Variants in SNRK observed in about 807,000 individuals in gnomAD.
The protein encoded by SNRK is SNF-related serine/threonine-protein kinase.
A neutral mutation model predicts 48.2 loss-of-function variants in SNRK; 3 were observed. The observed-to-expected ratio is 0.06, with a 90% CI of 0.03 to 0.16. The LOEUF is 0.16. Ranked by LOEUF, SNRK falls within the 10% of genes least tolerant of loss-of-function variation. The pLI, the probability that SNRK is intolerant of heterozygous loss-of-function variation, is 1.00. For missense variants in SNRK, 627 were observed against 976.0 expected (o/e 0.64, Z 4.76); for synonymous variants, 376 against 366.1 (o/e 1.03, Z -0.31).
At chr3:43,301,822 T>G (rs2090900150) in intron 2 of SNRK, among the ~76,000 whole-genome samples, 1 of 152,204 alleles carries the variant, frequency 6.6e-6, no homozygotes, top group African/African-American at 2.4e-5. Context: ...GTTGCTATAT[T>G]CCTTGTTGGA....
chr3:43,333,973 C>CT (rs2091167885), intron 4 of SNRK, among the ~76,000 whole-genome samples: 2 of 152,198 alleles, frequency 1.3e-5, no homozygotes, highest in South Asian at 4.2e-4. Flanking sequence ...TGGTGAAACC[C>CT]TGTCTCTACT....
intron 3 of SNRK, among the ~76,000 whole-genome samples, chr3:43,321,792 C>A (rs569633788): frequency 6.6e-6 from 1 of 152,170 alleles, no homozygotes; most frequent in Non-Finnish European, 1.5e-5. Flanking sequence ...CGCCTACTTA[C>A]CATGGAAGCA....
In SNRK at chr3:43,303,941, T is replaced by G; in HGVS notation, c.589+149T>G. 1 of 605,300 alleles carries G rather than the reference T, an allele frequency of 1.7e-6. No homozygotes were observed. The highest frequency in any genetic ancestry group is 2.9e-6 in the Non-Finnish European group (1 of 345,528). The allele number at this position is 605,300 out of a possible 1,614,324, so 37.5% of individuals were successfully genotyped here. A position where few individuals can be genotyped will look rare whatever the true frequency, so the allele number is the denominator to read the frequency against. ...GGGTTTCATAAATGCCATATATGCC[T>G]AAAGCTGGCATTTCGTTTATTTCAA... On this transcript the variant is annotated intron_variant, in intron 3 of 6. Coordinates refer to ENST00000296088, the MANE Select transcript of SNRK (RefSeq NM_017719.5). This position sits in a 1 kb window ranked among gnomAD's most constrained non-coding sequence, Gnocchi z 6.2.
chr3:43,321,623 GA>G (rs746723067), intron 3 of SNRK, among the ~76,000 whole-genome samples: 8 of 152,110 alleles, frequency 5.3e-5, no homozygotes, highest in Non-Finnish European at 1.2e-4. Context: ...AGGTAACAGG[GA>G]CCTCCTAAAG....
intron 3 of SNRK, among the ~76,000 whole-genome samples, chr3:43,304,618 T>C (rs944021113): frequency 1.3e-5 from 2 of 152,170 alleles, no homozygotes; most frequent in African/African-American, 2.4e-5. Flanking sequence ...TTTAAAGGAT[T>C]TGTTGATCCG....
chr3:43,287,345 C>T (rs922572337), intron 1 of SNRK, among the ~76,000 whole-genome samples: 5 of 152,118 alleles, frequency 3.3e-5, no homozygotes, highest in African/African-American at 7.2e-5. Context: ...TTACAGGGAC[C>T]TTCCTGCCTT....
intron 1 of SNRK, among the ~76,000 whole-genome samples, chr3:43,298,074 TC>T (rs1274406331): frequency 1.3e-5 from 2 of 152,186 alleles, no homozygotes; most frequent in African/African-American, 4.8e-5. Flanking sequence ...GAATGCTTAC[TC>T]TGTGCCAGGC....
Position 43,347,173 on chromosome 3 carries a change from C to T in SNRK, c.1080-166C>T. 1.6e-6 allele frequency: 1 copy of T among 641,140 alleles called. No individual in the cohort carries two copies. Among genetic ancestry groups the T allele is most frequent in the East Asian group, 2.7e-5 (1 of 36,486 alleles). 39.7% of individuals were successfully genotyped at this position (641,140 alleles called of 1,614,324 possible). A position where few individuals can be genotyped will look rare whatever the true frequency, so the allele number is the denominator to read the frequency against. On this transcript the variant is annotated intron_variant, in intron 6 of 6. Transcript: ENST00000296088. The surrounding 1 kb of genome is among the most constrained non-coding windows in gnomAD (Gnocchi z 5.4). ...ATGTTTCAAAACCACATTTGCCCTT[C>T]TGGTGGCCTTGCTGATGTTTACAGG...
Position 43,350,955 on chromosome 3 carries a change from C to G in SNRK, c.*2398C>G, listed in dbSNP as rs190230925. ...CCAATTTTAAGAATAGCTGTGAGACCGAATTAAAGATAATCCCTACCAAGT... is the reference window on the plus strand; with the variant it reads ...CCAATTTTAAGAATAGCTGTGAGACGGAATTAAAGATAATCCCTACCAAGT... On this transcript the variant is annotated 3_prime_UTR_variant, in exon 7 of 7. Coordinates refer to ENST00000296088, the MANE Select transcript of SNRK (RefSeq NM_017719.5). 1 of 152,440 alleles carries G rather than the reference C, an allele frequency of 6.6e-6. No individual in the cohort carries two copies. The highest frequency in any genetic ancestry group is 2.4e-5 in the African/African-American group (1 of 41,442). The allele number at this position is 152,440 out of a possible 1,614,324, so 9.4% of individuals were successfully genotyped here. A position where few individuals can be genotyped will look rare whatever the true frequency, so the allele number is the denominator to read the frequency against.
chr3:43,339,179 T>C (rs1303321504), intron 4 of SNRK, among the ~76,000 whole-genome samples: 1 of 152,256 alleles, frequency 6.6e-6, no homozygotes, highest in African/African-American at 2.4e-5. Context: ...AATTAACTTC[T>C]GTGTACCACA....
At chr3:43,288,937 G>A (rs1381270996) in intron 1 of SNRK, among the ~76,000 whole-genome samples, 1 of 152,188 alleles carries the variant, frequency 6.6e-6, no homozygotes, top group Non-Finnish European at 1.5e-5. Context: ...AAATTGAGTG[G>A]ATCCTAGCAG....
chr3:43,313,611 C>T (rs1181978749), intron 3 of SNRK, among the ~76,000 whole-genome samples: 1 of 152,162 alleles, frequency 6.6e-6, no homozygotes, highest in Admixed American at 6.5e-5. Context: ...ACTTCTGTGT[C>T]TGGCGGTTAT....
intron 1 of SNRK, among the ~76,000 whole-genome samples, chr3:43,288,671 A>G (rs2090786139): frequency 1.3e-5 from 2 of 152,200 alleles, no homozygotes; most frequent in Non-Finnish European, 2.9e-5. Flanking sequence ...TCCCTGTAGC[A>G]GCTTGTCTAA....
rs183748792 is a variant in SNRK at position 43,298,940 on chromosome 3, G to A, written c.-168-814G>A. On this transcript the variant is annotated intron_variant, in intron 1 of 6. Transcript: ENST00000296088. ...CTTGCCTTCTAGAGGACAGTGTGTT[G>A]TAAAGCTTGCCGTCCTTGGCTGCTA... Among the ~76,000 whole-genome samples the A allele has an allele frequency of 1.4e-3, 213 of 152,284 alleles. 1 individual carries two copies. Among genetic ancestry groups the A allele is most frequent in the Non-Finnish European group, 2.1e-4 (14 of 68,018 alleles).
At chr3:43,338,433 T>C (rs2091207558) in intron 4 of SNRK, among the ~76,000 whole-genome samples, 1 of 152,254 alleles carries the variant, frequency 6.6e-6, no homozygotes, top group Non-Finnish European at 1.5e-5. Context: ...ATTGTTGCTG[T>C]TGAGAAGTCA....
Position 43,319,547 on chromosome 3 carries a change from C to G in SNRK, c.590-12622C>G, listed in dbSNP as rs1345814641. ...TAGGAGAATGCATGCCCTGATTGCT[C>G]TTTCTCTTTGGAATTGGATGGGGCG... is the stretch of plus-strand genomic sequence containing the variant. On this transcript the variant is annotated intron_variant, in intron 3 of 6. Coordinates refer to ENST00000296088, the MANE Select transcript of SNRK (RefSeq NM_017719.5). Among the ~76,000 whole-genome samples, 3 of 152,126 alleles carry G rather than the reference C, an allele frequency of 2.0e-5. 1 individual carries two copies. The highest frequency in any genetic ancestry group is 2.0e-4 in the Admixed American group (3 of 15,266).
intron 3 of SNRK, among the ~76,000 whole-genome samples, chr3:43,319,063 A>G (rs2091034277): frequency 6.6e-6 from 1 of 150,826 alleles, no homozygotes; most frequent in African/African-American, 2.4e-5. Flanking sequence ...TTGTTTGTTT[A>G]TATGCAGGCT....
chr3:43,315,001 A>T (rs2091004230), intron 3 of SNRK: 1 of 152,124 alleles, frequency 6.6e-6, no homozygotes, highest in Non-Finnish European at 1.5e-5. Flanking sequence ...GGAGGCTGAG[A>T]CAGGAGGAAG....
intron 1 of SNRK, among the ~76,000 whole-genome samples, chr3:43,290,583 A>G (rs2090804107): frequency 6.6e-6 from 1 of 152,106 alleles, no homozygotes; most frequent in Non-Finnish European, 1.5e-5. Flanking sequence ...AGCTGCCCTC[A>G]TTTTTAAGTC....
Sources: gnomAD v4.1 joint callset for allele counts (sites outside exome capture counted in the v4.1 genomes callset) on GRCh38, gnomAD v4.1.1 for gene constraint, Gnocchi (gnomAD v3.1) non-coding constraint, MANE v1.5 for transcripts, NCBI Gene and HGNC (gene_info 2026-07-23, HGNC 2026-07-21) for gene names.